The following PKD1L1 variants were observed in gnomAD, a reference collection of about 807,000 sequenced individuals.
PKD1L1 encodes the protein polycystin-1-like protein 1.
A neutral mutation model predicts 323.4 loss-of-function variants in PKD1L1; 236 were observed. That is an observed-to-expected ratio of 0.73 (90% CI 0.66 to 0.81). The LOEUF is 0.81. Among genes scored for constraint, PKD1L1 ranks in the 40% least tolerant of loss-of-function variants. PKD1L1 has a pLI of 0.00. For synonymous variants in PKD1L1, 1,344 were observed against 1,335.0 expected (o/e 1.01, Z -0.15); for missense variants, 3,320 against 3,508.0 (o/e 0.95, Z 1.35).
chr7:47,868,372 G>GCAAAA (rs983200737), intron 24 of PKD1L1, among the ~76,000 whole-genome samples: 10 of 151,376 alleles, frequency 6.6e-5, no homozygotes, highest in South Asian at 4.2e-4. Context: ...TTGTCTCAAG[G>GCAAAA]CAAAACAAAA....
chr7:47,827,625 A>G lies in PKD1L1; in HGVS notation c.6736-157T>C, dbSNP rs150588392. 2.4e-4 allele frequency among the ~76,000 whole-genome samples: 37 copies of G among 152,354 alleles called. 1 individual carries two copies. The highest frequency in any genetic ancestry group is 7.0e-4 in the African/African-American group (29 of 41,586). ...GTACTTTGTATGGATAACATAGACC[A>G]GGTTGTTGGGGAAGGGATCAGAGAT... On this transcript the variant is annotated intron_variant, in intron 44 of 56. Coordinates refer to ENST00000289672, the MANE Select transcript of PKD1L1 (RefSeq NM_138295.5).
chr7:47,871,653 G>A (rs929691773), intron 24 of PKD1L1, among the ~76,000 whole-genome samples: 41 of 151,952 alleles, frequency 2.7e-4, no homozygotes, highest in Non-Finnish European at 3.8e-4. Flanking sequence ...ACAAATTAAT[G>A]GACTAAGGGA....
intron 7 of PKD1L1, among the ~76,000 whole-genome samples, chr7:47,919,743 T>C (rs1787497962): frequency 6.6e-6 from 1 of 152,102 alleles, no homozygotes; most frequent in Non-Finnish European, 1.5e-5. Context: ...ATACATCACA[T>C]AAACAGAATT....
intron 26 of PKD1L1, among the ~76,000 whole-genome samples, chr7:47,862,483 G>A (rs1435077209): frequency 6.6e-6 from 1 of 152,152 alleles, no homozygotes; most frequent in Non-Finnish European, 1.5e-5. Context: ...TACACCTATG[G>A]TATTTCTGTG....
Position 47,855,164 on chromosome 7 carries a change from C to T in PKD1L1, c.4692G>A (p.Glu1564=). The change falls in exon 29 of 57, where the codon GAG becomes GAA. Residue 1564 remains glutamate (E), a synonymous_variant. Transcript: ENST00000289672. ...GAAAGGCTCTCCTTACCAGGCCATC[C>T]TCCTCCCCAAACTCGACCATCACGG... ...RKPVMVEFGE[E]DGLDNRRNKT... 1 of 1,614,054 alleles carries T rather than the reference C, an allele frequency of 6.2e-7. No homozygotes were observed. Among genetic ancestry groups the T allele is most frequent in the Non-Finnish European group, 8.5e-7 (1 of 1,179,942 alleles).
In PKD1L1 at chr7:47,815,433, G is replaced by T. The variant is rs370674194; in HGVS notation, c.6990C>A (p.Gly2330=). Residue 2330 remains glycine, a synonymous_variant, in exon 47 of 57, where the codon GGC becomes GGA. Transcript: ENST00000289672. ...CCCACCAGTCAGCGATGTTTCTCAG[G>T]CCACCCAAGCAGTTTCTGGCATTTC... is the stretch of plus-strand genomic sequence containing the variant. ...FTRNARNCLG[G]LRNIADWWDW... The T allele has an allele frequency of 1.1e-5, 17 of 1,613,876 alleles. No homozygotes were observed. The highest frequency in any genetic ancestry group is 5.0e-5 in the Admixed American group (3 of 59,998).
At chr7:47,777,365 A>G (rs149262098) in intron 56 of PKD1L1, among the ~76,000 whole-genome samples, 13 of 152,182 alleles carry the variant, frequency 8.5e-5, no homozygotes, top group Admixed American at 5.9e-4. Context: ...CCTTCCATGG[A>G]CATTTCATCT....
At chr7:47,948,482 A>C, upstream of PKD1L1, 1 of 1,602,248 alleles carries the variant, frequency 6.2e-7, no homozygotes, top group Non-Finnish European at 8.5e-7. Flanking sequence ...TCAGCAGACC[A>C]GCTTCTTCCT....
At chr7:47,784,537 A>G (rs1320181548) in intron 56 of PKD1L1, among the ~76,000 whole-genome samples, 1 of 151,814 alleles carries the variant, frequency 6.6e-6, no homozygotes. Flanking sequence ...CAATGGTGCT[A>G]TCTCGGCTCA....
intron 33 of PKD1L1, 62 bp from the exon 34 acceptor site, chr7:47,843,231 CTGAT>C: frequency 7.8e-7 from 1 of 1,274,938 alleles, no homozygotes. Flanking sequence ...TAGGAAAAGA[CTGAT>C]TGCCACCCCT....
At chr7:47,944,794 G>C (rs1216941080) in intron 1 of PKD1L1, among the ~76,000 whole-genome samples, 1 of 152,204 alleles carries the variant, frequency 6.6e-6, no homozygotes, top group African/African-American at 2.4e-5. Flanking sequence ...CTTTCAGCCT[G>C]TAGCTCCTTG....
chr7:47,811,778 T>G (rs1784901780), intron 50 of PKD1L1, 39 bp downstream of exon 50: 1 of 1,518,426 alleles, frequency 6.6e-7, no homozygotes, highest in East Asian at 2.4e-5. Flanking sequence ...CCCATCTTCC[T>G]GTGCACCTCC....
intron 19 of PKD1L1, among the ~76,000 whole-genome samples, chr7:47,883,079 C>CTTCA (rs113539498): frequency 0.051 from 7,788 of 152,222 alleles, 388 homozygotes; most frequent in African/African-American, 0.14. Context: ...GCAGATCTTT[C>CTTCA]TTCATTCAGT....
intron 37 of PKD1L1, among the ~76,000 whole-genome samples, chr7:47,836,493 G>C (rs1370429060): frequency 2.0e-5 from 3 of 152,232 alleles, no homozygotes; most frequent in African/African-American, 7.2e-5. Context: ...GGAACAATCA[G>C]ACCAGAGTTG....
intron 24 of PKD1L1, among the ~76,000 whole-genome samples, chr7:47,872,482 C>T (rs757661192): frequency 3.3e-5 from 5 of 152,140 alleles, no homozygotes; most frequent in Admixed American, 6.5e-5. Flanking sequence ...AAGAAACAAA[C>T]GTTTTAATTA....
chr7:47,812,058 A>G lies in PKD1L1; in HGVS notation c.7347-7T>C, dbSNP rs1464885786. 6.4e-7 allele frequency: 1 copy of G among 1,554,200 alleles called. No individual in the cohort carries two copies. Among genetic ancestry groups the G allele is most frequent in the East Asian group, 2.4e-5 (1 of 41,132 alleles). On this transcript the variant is annotated splice_region_variant and splice_polypyrimidine_tract_variant and intron_variant, in intron 49 of 56. Coordinates refer to ENST00000289672, the MANE Select transcript of PKD1L1 (RefSeq NM_138295.5). ...GGCTGTGTGGGCTTCAGTCCTGTAA[A>G]ACAGCACACACTGGGGTAGGGCAGG...
At chr7:47,908,042 A>C (rs1214175279) in intron 9 of PKD1L1, 35 bp downstream of exon 9, 8 of 1,598,588 alleles carry the variant, frequency 5.0e-6, no homozygotes, top group Non-Finnish European at 6.8e-6. Flanking sequence ...TTATAGTTGA[A>C]GTGTGCTTGC....
chr7:47,843,902 G>A (rs928844215), intron 33 of PKD1L1, among the ~76,000 whole-genome samples: 6 of 152,142 alleles, frequency 3.9e-5, no homozygotes, highest in Non-Finnish European at 5.9e-5. Context: ...TTAATCTGAG[G>A]ATTGGGCTCT....
intron 56 of PKD1L1, among the ~76,000 whole-genome samples, chr7:47,789,468 T>C (rs1334078889): frequency 6.6e-6 from 1 of 152,236 alleles, no homozygotes; most frequent in Non-Finnish European, 1.5e-5. Flanking sequence ...CGTAAAAAGA[T>C]TCATCTCTTG....
Sources: allele counts gnomAD v4.1 joint callset (sites outside exome capture counted in the v4.1 genomes callset), GRCh38; gene constraint gnomAD v4.1.1; transcripts MANE v1.5; gene names NCBI Gene and HGNC (gene_info 2026-07-23, HGNC 2026-07-21).